ERBB4: variants seen among roughly 807,000 people sequenced by gnomAD.
The protein encoded by ERBB4 is receptor tyrosine-protein kinase erbB-4.
Under a neutral mutation model 158.0 loss-of-function variants are expected in ERBB4, and 42 were observed. The ratio of observed to expected loss-of-function variants is 0.27; its 90% CI spans 0.21 to 0.34. The LOEUF (loss-of-function observed/expected upper bound fraction) is 0.34. Ranked by LOEUF, ERBB4 falls within the 10% of genes least tolerant of loss-of-function variation. The pLI, the probability that ERBB4 is intolerant of heterozygous loss-of-function variation, is 1.00. For missense variants in ERBB4, 1,333 were observed against 1,624.1 expected (o/e 0.82, Z 3.08); for synonymous variants, 583 against 558.7 (o/e 1.04, Z -0.61).
intron 2 of ERBB4, among the ~76,000 whole-genome samples, chr2:211,958,793 A>G (rs16847341): frequency 0.064 from 9,770 of 152,142 alleles, 619 homozygotes; most frequent in African/African-American, 0.17. Flanking sequence ...TGAGAAAAAT[A>G]TTAGCTAAGA....
At chr2:211,410,574 CTA>C (rs1434371689) in intron 25 of ERBB4, among the ~76,000 whole-genome samples, 1 of 152,096 alleles carries the variant, frequency 6.6e-6, no homozygotes, top group Non-Finnish European at 1.5e-5. Context: ...AAAGCAGTGA[CTA>C]TAGAGGAATT....
intron 20 of ERBB4, among the ~76,000 whole-genome samples, chr2:211,489,112 C>T (rs1398442056): frequency 6.6e-6 from 1 of 151,966 alleles, no homozygotes; most frequent in African/African-American, 2.4e-5. Context: ...CAAGAATCAA[C>T]AAGATATTTT....
intron 2 of ERBB4, among the ~76,000 whole-genome samples, chr2:211,973,270 C>T (rs1206475708): frequency 1.3e-5 from 2 of 151,370 alleles, no homozygotes; most frequent in Non-Finnish European, 2.9e-5. Flanking sequence ...GGCGGGATCT[C>T]AGCTCACTGC....
chr2:212,522,446 GTTGAATAGC>G (rs147336600), intron 1 of ERBB4, among the ~76,000 whole-genome samples: 9,805 of 151,940 alleles, frequency 0.065, 697 homozygotes, highest in African/African-American at 0.18. Context: ...TAAGTAAAAC[GTTGAATAGC>G]TTGAGTCGGA....
Position 212,170,417 on chromosome 2 carries a change from G to T in ERBB4, c.83-45514C>A, listed in dbSNP as rs111587551. Among the ~76,000 whole-genome samples, 518 of 152,304 alleles carry T rather than the reference G, an allele frequency of 3.4e-3. 3 individuals carry two copies. Among genetic ancestry groups the T allele is most frequent in the African/African-American group, 0.012 (486 of 41,588 alleles). ...TGCAGCCTGATGATGCAATAGAAAA[G>T]AGAAACCCATTTTCTGGGGAGAAAG... On this transcript the variant is annotated intron_variant, in intron 1 of 27. Coordinates refer to ENST00000342788, the MANE Select transcript of ERBB4 (RefSeq NM_005235.3).
At chr2:212,414,975 C>T (rs1057498235) in intron 1 of ERBB4, among the ~76,000 whole-genome samples, 18 of 152,282 alleles carry the variant, frequency 1.2e-4, no homozygotes, top group African/African-American at 3.8e-4. Context: ...TTAAACTCTG[C>T]CAACCTGATG....
chr2:211,620,836 C>T (rs1261971322), intron 18 of ERBB4, among the ~76,000 whole-genome samples: 1 of 151,992 alleles, frequency 6.6e-6, no homozygotes, highest in African/African-American at 2.4e-5. Context: ...TAATATAGGC[C>T]AGGCATGGTG....
chr2:211,548,716 C>A (rs182012715), intron 20 of ERBB4, among the ~76,000 whole-genome samples: 1 of 152,106 alleles, frequency 6.6e-6, no homozygotes. Context: ...TCCCCATCTC[C>A]AACACAGCAC....
chr2:212,331,690 C>G (rs910010188), intron 1 of ERBB4, among the ~76,000 whole-genome samples: 5 of 151,952 alleles, frequency 3.3e-5, no homozygotes, highest in African/African-American at 1.2e-4. Context: ...GTGTGTGTGA[C>G]TGATAAGAAC....
intron 6 of ERBB4, among the ~76,000 whole-genome samples, chr2:211,724,841 A>G (rs1002889534): frequency 1.2e-4 from 18 of 152,178 alleles, no homozygotes; most frequent in African/African-American, 3.6e-4. Flanking sequence ...TCTCCAATGA[A>G]CCTCATTTGT....
At chr2:212,000,010 T>A (rs2076068222) in intron 2 of ERBB4, among the ~76,000 whole-genome samples, 1 of 151,766 alleles carries the variant, frequency 6.6e-6, no homozygotes, top group Non-Finnish European at 1.5e-5. Context: ...ATTTGAGGGA[T>A]TCGGTAATTC....
intron 19 of ERBB4, among the ~76,000 whole-genome samples, chr2:211,614,212 A>G (rs1320634874): frequency 1.3e-5 from 2 of 152,110 alleles, no homozygotes; most frequent in Non-Finnish European, 2.9e-5. Context: ...TGTGAGATCT[A>G]AAAACCAAAA....
At chr2:212,133,396 GT>G (rs575131971) in intron 1 of ERBB4, among the ~76,000 whole-genome samples, 57,603 of 137,014 alleles carry the variant, frequency 0.42, 13,849 homozygotes, top group Non-Finnish European at 0.55. Flanking sequence ...TCATTTTGGT[GT>G]TTTTTTTTTG....
chr2:211,753,278 A>AG (rs1400791257), intron 4 of ERBB4, among the ~76,000 whole-genome samples: 4 of 97,212 alleles, frequency 4.1e-5, no homozygotes, highest in East Asian at 1.9e-4. Flanking sequence ...TGCCTAGCAT[A>AG]GAAAAAAAAA....
At chr2:211,656,068 T>C (rs1462570700) in intron 16 of ERBB4, among the ~76,000 whole-genome samples, 1 of 152,190 alleles carries the variant, frequency 6.6e-6, no homozygotes, top group Non-Finnish European at 1.5e-5. Context: ...AGAAGCCAGA[T>C]GCATAGAATA....
At chr2:212,001,432 A>C (rs2076101670) in intron 2 of ERBB4, among the ~76,000 whole-genome samples, 1 of 152,026 alleles carries the variant, frequency 6.6e-6, no homozygotes, top group Non-Finnish European at 1.5e-5. Context: ...GCTCCAGGAG[A>C]ATAATATTTA....
chr2:212,117,647 A>G (rs1056684911), intron 2 of ERBB4, among the ~76,000 whole-genome samples: 5 of 152,220 alleles, frequency 3.3e-5, no homozygotes, highest in African/African-American at 1.2e-4. Context: ...AAATGTGTGC[A>G]TAACTGAAAT....
chr2:211,689,772 G>A (rs563043450), intron 12 of ERBB4, among the ~76,000 whole-genome samples: 9 of 151,774 alleles, frequency 5.9e-5, no homozygotes, highest in South Asian at 4.2e-4. Context: ...GACATATATC[G>A]TTATATACAG....
At chr2:211,756,783 T>G (rs1382366478) in intron 4 of ERBB4, among the ~76,000 whole-genome samples, 1 of 152,190 alleles carries the variant, frequency 6.6e-6, no homozygotes, top group African/African-American at 2.4e-5. Context: ...GGCATATAAT[T>G]CCAAACTGTT....
Sources: allele counts gnomAD v4.1 joint callset (sites outside exome capture counted in the v4.1 genomes callset), GRCh38; gene constraint gnomAD v4.1.1; transcripts MANE v1.5; gene names NCBI Gene and HGNC (gene_info 2026-07-23, HGNC 2026-07-21).